The following KCNQ3 variants were observed in gnomAD, a reference collection of about 807,000 sequenced individuals.
The protein encoded by KCNQ3 is potassium voltage-gated channel subfamily Q member 3.
KCNQ3 carries 30 observed loss-of-function variants against 92.5 expected under a neutral mutation model. The observed-to-expected ratio is 0.32, with a 90% CI of 0.24 to 0.44. The LOEUF (loss-of-function observed/expected upper bound fraction) is 0.44, where lower values mean the gene tolerates loss of function less well. Ranked by LOEUF, KCNQ3 falls within the 20% of genes least tolerant of loss-of-function variation. The pLI, the probability that KCNQ3 is intolerant of heterozygous loss-of-function variation, is 1.00. For missense variants in KCNQ3, 913 were observed against 1,140.3 expected (o/e 0.80, Z 2.87); for synonymous variants, 450 against 468.8 (o/e 0.96, Z 0.52).
At chr8:132,162,063 C>T (rs75932020) in intron 9 of KCNQ3, among the ~76,000 whole-genome samples, 2 of 152,278 alleles carry the variant, frequency 1.3e-5, no homozygotes, top group Non-Finnish European at 2.9e-5. Context: ...TAGATTTTCC[C>T]TCTGTGCTCT....
At chr8:132,156,993 A>G (rs1301764277) in intron 9 of KCNQ3, among the ~76,000 whole-genome samples, 1 of 152,212 alleles carries the variant, frequency 6.6e-6, no homozygotes, top group Non-Finnish European at 1.5e-5. Flanking sequence ...AGCTAGGAAG[A>G]GGCAAGAAAG....
intron 1 of KCNQ3, among the ~76,000 whole-genome samples, chr8:132,256,840 A>C (rs1586871243): frequency 2.0e-5 from 3 of 152,364 alleles, no homozygotes; most frequent in South Asian, 4.1e-4. Flanking sequence ...TGCTGCTTGC[A>C]GACCTTCACT....
intron 8 of KCNQ3, among the ~76,000 whole-genome samples, chr8:132,164,534 T>C (rs1586789117): frequency 6.6e-6 from 1 of 152,052 alleles, no homozygotes. Flanking sequence ...CAGCATTTAG[T>C]TACAGTGTGG....
intron 14 of KCNQ3, 72 bp downstream of exon 14, chr8:132,132,107 AG>A: frequency 9.4e-7 from 1 of 1,065,050 alleles, no homozygotes; most frequent in Non-Finnish European, 1.4e-6. Flanking sequence ...AAAGAAAGAA[AG>A]AAAAAAAAGA....
chr8:132,304,433 G>A (rs571594288), intron 1 of KCNQ3, among the ~76,000 whole-genome samples: 47 of 152,268 alleles, frequency 3.1e-4, no homozygotes, highest in Non-Finnish European at 4.7e-4. Flanking sequence ...GGTGTCCATG[G>A]TCATCTTAAC....
At chr8:132,232,194 C>T (rs1814665943) in intron 1 of KCNQ3, among the ~76,000 whole-genome samples, 1 of 152,156 alleles carries the variant, frequency 6.6e-6, no homozygotes, top group African/African-American at 2.4e-5. Flanking sequence ...CAAATATGAT[C>T]AAGGCACTTC....
intron 1 of KCNQ3, among the ~76,000 whole-genome samples, chr8:132,297,500 G>A (rs187692715): frequency 9.2e-5 from 14 of 152,222 alleles, no homozygotes; most frequent in African/African-American, 1.4e-4. Context: ...AATTTTCCCT[G>A]TTCAAGAAGG....
intron 1 of KCNQ3, among the ~76,000 whole-genome samples, chr8:132,242,326 T>C (rs751953568): frequency 1.3e-5 from 2 of 152,180 alleles, no homozygotes; most frequent in African/African-American, 2.4e-5. Context: ...TGTGTAGGAA[T>C]TGGAGGGATG....
At chr8:132,334,015 C>T (rs896552835) in intron 1 of KCNQ3, among the ~76,000 whole-genome samples, 10 of 152,202 alleles carry the variant, frequency 6.6e-5, no homozygotes, top group African/African-American at 2.4e-4. Context: ...CCACCACACC[C>T]AGCCATGAAA....
intron 1 of KCNQ3, among the ~76,000 whole-genome samples, chr8:132,383,161 C>A (rs1175961431): frequency 6.6e-6 from 1 of 152,216 alleles, no homozygotes; most frequent in African/African-American, 2.4e-5. Context: ...AATCCAGCAA[C>A]TTTGCTTTGA....
intron 1 of KCNQ3, among the ~76,000 whole-genome samples, chr8:132,327,306 C>T (rs892278289): frequency 1.3e-5 from 2 of 152,102 alleles, no homozygotes; most frequent in Non-Finnish European, 2.9e-5. Context: ...ACTCTAAAAC[C>T]TTTTTTGCCT....
chr8:132,283,529 G>A (rs1429458346), intron 1 of KCNQ3, among the ~76,000 whole-genome samples: 5 of 152,210 alleles, frequency 3.3e-5, no homozygotes, highest in African/African-American at 1.2e-4. Context: ...AGTGCTGGGT[G>A]GAAGGTCCTC....
intron 1 of KCNQ3, among the ~76,000 whole-genome samples, chr8:132,345,029 G>A (rs11993966): frequency 0.17 from 25,342 of 152,050 alleles, 2,537 homozygotes; most frequent in African/African-American, 0.28. Flanking sequence ...ACTAGAGCAT[G>A]CCCCCCTGTA....
chr8:132,193,684 G>A (rs1003899091), intron 1 of KCNQ3, among the ~76,000 whole-genome samples: 4 of 152,150 alleles, frequency 2.6e-5, no homozygotes, highest in East Asian at 1.9e-4. Flanking sequence ...GAATTTTTTC[G>A]TACATCATTT....
chr8:132,331,194 C>T (rs900725604), intron 1 of KCNQ3, among the ~76,000 whole-genome samples: 4 of 152,188 alleles, frequency 2.6e-5, no homozygotes, highest in African/African-American at 4.8e-5. Flanking sequence ...TAACAGCTCT[C>T]TCTGTACACT....
chr8:132,137,027 G>T (rs1825123771), intron 12 of KCNQ3, among the ~76,000 whole-genome samples: 1 of 79,478 alleles, frequency 1.3e-5, no homozygotes, highest in Non-Finnish European at 2.9e-5. Context: ...ACCATGCCTG[G>T]ATTTTTTTTT....
chr8:132,283,542 C>T lies in KCNQ3; in HGVS notation c.387-97361G>A, dbSNP rs78564960. On this transcript the variant is annotated intron_variant, in intron 1 of 14. Transcript: ENST00000388996. ...CCAGTGCTGGGTGGAAGGTCCTCTTCCTGGTCTCATTTGCATCATCAGCAA... is the reference window on the plus strand; with the variant it reads ...CCAGTGCTGGGTGGAAGGTCCTCTTTCTGGTCTCATTTGCATCATCAGCAA... Among the ~76,000 whole-genome samples the T allele has an allele frequency of 2.4e-3, 365 of 152,332 alleles. 3 individuals carry two copies. The highest frequency in any genetic ancestry group is 8.5e-3 in the African/African-American group (353 of 41,574).
At chr8:132,432,814 C>G (rs184851547) in intron 1 of KCNQ3, among the ~76,000 whole-genome samples, 1 of 152,176 alleles carries the variant, frequency 6.6e-6, no homozygotes. Context: ...AAAAGCTTCA[C>G]GAGGGCAAGA....
intron 12 of KCNQ3, among the ~76,000 whole-genome samples, chr8:132,135,583 C>T (rs573927193): frequency 2.2e-4 from 33 of 152,250 alleles, no homozygotes; most frequent in African/African-American, 7.7e-4. Flanking sequence ...AACACATTTG[C>T]TTAGTAAGTA....
Sources: gnomAD v4.1 joint callset for allele counts (sites outside exome capture counted in the v4.1 genomes callset) on GRCh38, gnomAD v4.1.1 for gene constraint, MANE v1.5 for transcripts, NCBI Gene and HGNC (gene_info 2026-07-23, HGNC 2026-07-21) for gene names.